ATP7B: variants seen among roughly 807,000 people sequenced by gnomAD.
The protein encoded by ATP7B is copper-transporting ATPase 2.
In ATP7B, 113 loss-of-function variants were observed where a neutral mutation model predicts 118.9. The observed-to-expected ratio is 0.95, with a 90% CI of 0.82 to 1.11. ATP7B has a LOEUF of 1.11. ATP7B is among the 50% of genes most tolerant of loss of function. The pLI, the probability that ATP7B is intolerant of heterozygous loss-of-function variation, is 0.00. For missense variants in ATP7B, 1,867 were observed against 1,871.4 expected (o/e 1.00, Z 0.04); for synonymous variants, 777 against 727.4 (o/e 1.07, Z -1.10).
rs542765803 is a variant in ATP7B at position 51,980,449 on chromosome 13, G to A, written c.52-5281C>T. On this transcript the variant is annotated intron_variant, in intron 1 of 20. Coordinates refer to ENST00000242839, the MANE Select transcript of ATP7B (RefSeq NM_000053.4). ...ACCTCTCTAGGTACCCAAGTCACACGAAATTTGCTGAGAGTGCCAGGGCTT... is the reference window on the plus strand; with the variant it reads ...ACCTCTCTAGGTACCCAAGTCACACAAAATTTGCTGAGAGTGCCAGGGCTT... Among the ~76,000 whole-genome samples, 8 of 152,274 alleles carry A rather than the reference G, an allele frequency of 5.3e-5. No individual in the cohort carries two copies. The East Asian group carries it at 1.5e-3, about 29-fold the overall frequency.
chr13:51,970,734 T>A lies in ATP7B; in HGVS notation c.1301A>T (p.Asn434Ile), dbSNP rs762859925. 3.3e-5 allele frequency: 53 copies of A among 1,613,794 alleles called. No individual in the cohort carries two copies. Among genetic ancestry groups the A allele is most frequent in the Non-Finnish European group, 4.4e-5 (52 of 1,179,746 alleles). Residue 434 changes from asparagine to isoleucine, a missense_variant, in exon 3 of 21, where the codon AAC (asparagine) becomes ATC (isoleucine). Physicochemically the swap from Asn to Ile is moderately radical, Grantham distance 149 (BLOSUM62 -3). Transcript: ENST00000242839. Reference sequence around the variant, plus strand: ...CCCAGCACTGTGGTTTCCAAGAGGGTTAGTAGAACAGCTTTCTAGGATAAA... The same window carrying A: ...CCCAGCACTGTGGTTTCCAAGAGGGATAGTAGAACAGCTTTCTAGGATAAA... Reference protein sequence around the residue: ...ASVVSESCSTNPLGNHSAGNS... With the variant: ...ASVVSESCSTIPLGNHSAGNS...
chr13:52,008,878 CTTTTCT>C (rs888951487), intron 1 of ATP7B, among the ~76,000 whole-genome samples: 117 of 116,764 alleles, frequency 1.0e-3, no homozygotes, highest in Admixed American at 2.3e-3. Flanking sequence ...GCTTTCTTTT[CTTTTCT>C]TTTTTTTTGA....
intron 3 of ATP7B, among the ~76,000 whole-genome samples, chr13:51,969,136 TA>T (rs1244258294): frequency 4.2e-4 from 60 of 144,474 alleles, no homozygotes; most frequent in Admixed American, 4.1e-4. Context: ...CATTTTTTTT[TA>T]AAAAAAAAAA....
chr13:51,962,973 T>G (rs528412217), intron 5 of ATP7B, among the ~76,000 whole-genome samples: 1 of 151,922 alleles, frequency 6.6e-6, no homozygotes, highest in South Asian at 2.1e-4. Flanking sequence ...ATACCTGTAA[T>G]CCCAGCTACT....
intron 1 of ATP7B, among the ~76,000 whole-genome samples, chr13:51,997,360 C>G (rs369011635): frequency 3.0e-4 from 46 of 152,308 alleles, no homozygotes; most frequent in African/African-American, 1.1e-3. Flanking sequence ...TCCTTGGTGA[C>G]ATGAGATCAT....
rs1957169764 is a variant in ATP7B, at chr13:51,939,262, C to T, written c.3557-69G>A. On this transcript the variant is annotated intron_variant, in intron 16 of 20. Coordinates refer to ENST00000242839, the MANE Select transcript of ATP7B (RefSeq NM_000053.4). Reference sequence around the variant, plus strand: ...ACCCCGCACCAAGATACCACACTTGCAATGTTCTCATCATATAATATTATG... The same window carrying T: ...ACCCCGCACCAAGATACCACACTTGTAATGTTCTCATCATATAATATTATG... 22 of 1,594,984 alleles carry T rather than the reference C, an allele frequency of 1.4e-5. No individual in the cohort carries two copies. In the South Asian group the frequency reaches 2.3e-4, roughly 17 times the overall value.
At chr13:52,000,387 C>T (rs1953434721) in intron 1 of ATP7B, among the ~76,000 whole-genome samples, 1 of 152,158 alleles carries the variant, frequency 6.6e-6, no homozygotes, top group Non-Finnish European at 1.5e-5. Flanking sequence ...TAATCCCATT[C>T]GAGAAGGCAG....
chr13:52,007,708 T>A (rs1465239787), intron 1 of ATP7B, among the ~76,000 whole-genome samples: 2 of 152,164 alleles, frequency 1.3e-5, no homozygotes, highest in African/African-American at 4.8e-5. Context: ...ACACTTCACA[T>A]GCCAGTCGCT....
At chr13:51,991,715 C>T (rs1012762550) in intron 1 of ATP7B, among the ~76,000 whole-genome samples, 1 of 152,148 alleles carries the variant, frequency 6.6e-6, no homozygotes, top group Non-Finnish European at 1.5e-5. Flanking sequence ...GTGGCAGGCA[C>T]CCATTCCTCT....
chr13:51,941,401 G>A (rs1957325767), intron 15 of ATP7B, among the ~76,000 whole-genome samples, 177 bp from the exon 16 acceptor site: 1 of 151,984 alleles, frequency 6.6e-6, no homozygotes, highest in African/African-American at 2.4e-5. Flanking sequence ...AAATTAATGT[G>A]TAGGACATGT....
At chr13:51,975,797 C>CT (rs1952086526) in intron 1 of ATP7B, among the ~76,000 whole-genome samples, 1 of 152,182 alleles carries the variant, frequency 6.6e-6, no homozygotes, top group Admixed American at 6.5e-5. Flanking sequence ...TGTGAAAAAG[C>CT]TTTGGAGGTA....
At chr13:51,965,327 T>C (rs1405874095) in intron 4 of ATP7B, among the ~76,000 whole-genome samples, 1 of 152,190 alleles carries the variant, frequency 6.6e-6, no homozygotes, top group Non-Finnish European at 1.5e-5. Context: ...TGGGCTTTTA[T>C]AAGCCCCTCT....
intron 1 of ATP7B, among the ~76,000 whole-genome samples, chr13:52,007,720 G>C (rs1472857028): frequency 6.6e-6 from 1 of 152,072 alleles, no homozygotes; most frequent in Non-Finnish European, 1.5e-5. Context: ...CCAGTCGCTG[G>C]GTCTGGGCCA....
chr13:51,977,590 T>C (rs1269926208), intron 1 of ATP7B, among the ~76,000 whole-genome samples: 2 of 152,240 alleles, frequency 1.3e-5, no homozygotes, highest in Non-Finnish European at 1.5e-5. Flanking sequence ...TAACTTTTTC[T>C]TTTTATAAGT....
At chr13:52,009,834 C>A (rs182611217) in intron 1 of ATP7B, among the ~76,000 whole-genome samples, 15 of 152,096 alleles carry the variant, frequency 9.9e-5, no homozygotes, top group African/African-American at 3.6e-4. Flanking sequence ...ATAGTACACA[C>A]AAAAAAATTT....
intron 1 of ATP7B, among the ~76,000 whole-genome samples, chr13:51,988,911 G>A (rs565317271): frequency 2.0e-5 from 3 of 150,266 alleles, no homozygotes; most frequent in African/African-American, 7.4e-5. Flanking sequence ...TGTCGGGGGT[G>A]GGGGGGCTAG....
chr13:51,953,071 G>T (rs946546907), intron 9 of ATP7B, among the ~76,000 whole-genome samples: 2 of 152,240 alleles, frequency 1.3e-5, no homozygotes, highest in Non-Finnish European at 2.9e-5. Context: ...TTCAAAGACT[G>T]AAGTCTTTAG....
intron 1 of ATP7B, 128 bp downstream of exon 1, chr13:52,011,159 C>T: frequency 7.3e-7 from 1 of 1,371,254 alleles, no homozygotes; most frequent in Non-Finnish European, 1.0e-6. Context: ...CCAAGACATC[C>T]CTGGAGCTGG....
At chr13:51,939,949 C>T (rs1957222206) in intron 16 of ATP7B, among the ~76,000 whole-genome samples, 1 of 149,480 alleles carries the variant, frequency 6.7e-6, no homozygotes, top group Non-Finnish European at 1.5e-5. Context: ...ACTCTAATCT[C>T]TCTGGGATGT....
Sources: gnomAD v4.1 joint callset for allele counts (sites outside exome capture counted in the v4.1 genomes callset) on GRCh38, gnomAD v4.1.1 for gene constraint, MANE v1.5 for transcripts, NCBI Gene and HGNC (gene_info 2026-07-23, HGNC 2026-07-21) for gene names.